Variants in FHOD3 observed in about 807,000 individuals in gnomAD.
The protein encoded by FHOD3 is FH1/FH2 domain-containing protein 3.
Under a neutral mutation model 173.0 loss-of-function variants are expected in FHOD3, and 90 were observed. The ratio of observed to expected loss-of-function variants is 0.52; its 90% CI spans 0.44 to 0.62. FHOD3 has a LOEUF of 0.62. Among genes scored for constraint, FHOD3 ranks in the 20% least tolerant of loss-of-function variants. The pLI is 0.00. For synonymous variants in FHOD3, 828 were observed against 823.0 expected (o/e 1.01, Z -0.10); for missense variants, 1,945 against 2,034.7 (o/e 0.96, Z 0.85).
chr18:36,557,495 G>T (rs1019363869), intron 5 of FHOD3, among the ~76,000 whole-genome samples: 3 of 152,196 alleles, frequency 2.0e-5, no homozygotes, highest in Admixed American at 2.0e-4. Context: ...CAATTTCGGT[G>T]TCTTTACTAT....
intron 1 of FHOD3, among the ~76,000 whole-genome samples, chr18:36,310,101 C>T (rs1242023784): frequency 6.6e-6 from 1 of 152,180 alleles, no homozygotes; most frequent in Non-Finnish European, 1.5e-5. Flanking sequence ...TGTTGACACC[C>T]AAAGAAGTGT....
chr18:36,609,610 T>C (rs1476036304), intron 8 of FHOD3, among the ~76,000 whole-genome samples: 1 of 145,934 alleles, frequency 6.9e-6, no homozygotes, highest in East Asian at 2.0e-4. Context: ...TTTAGTTCTT[T>C]TTTTTTTTTT....
At chr18:36,355,682 C>A in intron 2 of FHOD3, 37 bp downstream of exon 2, 1 of 1,555,450 alleles carries the variant, frequency 6.4e-7, no homozygotes, top group East Asian at 2.2e-5. Flanking sequence ...CTGGTCCCCA[C>A]CTACCAGGAA....
intron 17 of FHOD3, among the ~76,000 whole-genome samples, chr18:36,701,426 T>A (rs762835182): frequency 4.6e-5 from 7 of 152,186 alleles, no homozygotes; most frequent in Admixed American, 1.3e-4. Flanking sequence ...TTCTTTTTTA[T>A]CCTGTATGAT....
intron 3 of FHOD3, among the ~76,000 whole-genome samples, chr18:36,440,434 C>T (rs572002193): frequency 2.7e-4 from 41 of 152,212 alleles, no homozygotes; most frequent in Admixed American, 3.9e-4. Context: ...GGCCACACGT[C>T]GGGGAGGGAA....
At chr18:36,690,438 T>C (rs1423401092) in intron 16 of FHOD3, among the ~76,000 whole-genome samples, 1 of 152,142 alleles carries the variant, frequency 6.6e-6, no homozygotes, top group Non-Finnish European at 1.5e-5. Context: ...TACGTGACAG[T>C]CATTGCATGG....
intron 5 of FHOD3, among the ~76,000 whole-genome samples, chr18:36,514,133 C>A (rs9952799): frequency 0.13 from 19,883 of 151,046 alleles, 1,467 homozygotes; most frequent in Admixed American, 0.22. Context: ...CTCAGCCTCC[C>A]GAGTAGCTGG....
intron 1 of FHOD3, among the ~76,000 whole-genome samples, chr18:36,348,634 AG>A (rs937596587): frequency 1.3e-4 from 20 of 151,948 alleles, no homozygotes; most frequent in African/African-American, 3.4e-4. Flanking sequence ...CCTGTGTGGG[AG>A]GGTCCTTGGC....
intron 27 of FHOD3, among the ~76,000 whole-genome samples, chr18:36,764,422 A>T (rs896941402): frequency 7.2e-5 from 11 of 152,224 alleles, no homozygotes; most frequent in Middle Eastern, 3.4e-3. Flanking sequence ...CAGCTCTTGC[A>T]GGCTTTGTAT....
chr18:36,778,497 A>G (rs1350272108), intron 28 of FHOD3: 3 of 152,234 alleles, frequency 2.0e-5, no homozygotes, highest in Non-Finnish European at 4.4e-5. Flanking sequence ...CTTTCAAATG[A>G]AGACTTGTCT....
chr18:36,649,723 T>C (rs1164031261), intron 11 of FHOD3, among the ~76,000 whole-genome samples: 2 of 152,220 alleles, frequency 1.3e-5, no homozygotes, highest in Non-Finnish European at 2.9e-5. Context: ...CTAAAAAGGC[T>C]CATCTCCCCT....
chr18:36,330,134 T>G (rs1173215207), intron 1 of FHOD3, among the ~76,000 whole-genome samples: 1 of 152,186 alleles, frequency 6.6e-6, no homozygotes, highest in Non-Finnish European at 1.5e-5. Flanking sequence ...AGCTTGAAAT[T>G]AACCAACTTA....
At chr18:36,392,278 C>T (rs2048338228) in intron 3 of FHOD3, among the ~76,000 whole-genome samples, 1 of 152,196 alleles carries the variant, frequency 6.6e-6, no homozygotes, top group Non-Finnish European at 1.5e-5. Context: ...CTATAATTGG[C>T]TTCCCTAGCA....
intron 10 of FHOD3, among the ~76,000 whole-genome samples, chr18:36,634,305 C>T (rs919157458): frequency 1.1e-4 from 17 of 152,166 alleles, no homozygotes; most frequent in Admixed American, 7.8e-4. Flanking sequence ...GTGGGCAAAT[C>T]GGGGAGCCTA....
At chr18:36,768,417 C>T (rs542539398) in intron 27 of FHOD3, among the ~76,000 whole-genome samples, 59 of 152,250 alleles carry the variant, frequency 3.9e-4, no homozygotes, top group African/African-American at 1.2e-3. Context: ...TTGCAGGATG[C>T]GAAGCCCATG....
Position 36,321,468 on chromosome 18 carries a change from G to A in FHOD3, c.165+23468G>A, listed in dbSNP as rs73949425. On this transcript the variant is annotated intron_variant, in intron 1 of 28. Transcript: ENST00000590592. ...ACTTCTGGATAATGGGGCTTATAAAGTGATTTCTGTTTTTTCTCTCCTGGC... is the reference window on the plus strand; with the variant it reads ...ACTTCTGGATAATGGGGCTTATAAAATGATTTCTGTTTTTTCTCTCCTGGC... 1.6e-3 allele frequency among the ~76,000 whole-genome samples: 247 copies of A among 152,334 alleles called. 1 individual carries two copies. The highest frequency in any genetic ancestry group is 5.7e-3 in the African/African-American group (237 of 41,572).
chr18:36,481,264 A>C (rs946050713), intron 3 of FHOD3, among the ~76,000 whole-genome samples: 1 of 152,048 alleles, frequency 6.6e-6, no homozygotes, highest in Non-Finnish European at 1.5e-5. Flanking sequence ...GCAGGCGGCT[A>C]TAATCTACTC....
In FHOD3 at chr18:36,355,651, A is replaced by AGC. The variant is rs372573157; in HGVS notation, c.272+7_272+8dup. ...GGCTTCCAGGATGACGCCGGGTAAGAGCAACTGTTCACCCTGCTGACTGGT... is the reference window on the plus strand; with the variant it reads ...GGCTTCCAGGATGACGCCGGGTAAGAGCGCAACTGTTCACCCTGCTGACTGGT... On this transcript the variant is annotated splice_region_variant and intron_variant, in intron 2 of 28. Coordinates refer to ENST00000590592, the MANE Select transcript of FHOD3 (RefSeq NM_001281740.3). The AGC allele has an allele frequency of 6.2e-7, 1 of 1,613,052 alleles. No individual in the cohort carries two copies. Among genetic ancestry groups the AGC allele is most frequent in the African/African-American group, 1.3e-5 (1 of 75,030 alleles).
chr18:36,683,336 T>C (rs2038379678), intron 15 of FHOD3, among the ~76,000 whole-genome samples: 1 of 152,250 alleles, frequency 6.6e-6, no homozygotes, highest in African/African-American at 2.4e-5. Flanking sequence ...ACATCCAAAG[T>C]GTTTTATTGA....
Sources: allele counts gnomAD v4.1 joint callset (sites outside exome capture counted in the v4.1 genomes callset), GRCh38; gene constraint gnomAD v4.1.1; transcripts MANE v1.5; gene names NCBI Gene and HGNC (gene_info 2026-07-23, HGNC 2026-07-21).